Variants in LYRM4 observed in about 807,000 individuals in gnomAD.
LYRM4 encodes LYR motif containing 4, also known as LYR motif-containing protein 4.
In LYRM4, 9 loss-of-function variants were observed where a neutral mutation model predicts 11.7. That is an observed-to-expected ratio of 0.77 (90% CI 0.46 to 1.34). LYRM4 has a LOEUF of 1.34. LYRM4 is among the 40% of genes most tolerant of loss of function. The pLI is 0.00. For missense variants in LYRM4, 133 were observed against 112.5 expected (o/e 1.18, Z -0.82); for synonymous variants, 42 against 40.4 (o/e 1.04, Z -0.15).
downstream of LYRM4, among the ~76,000 whole-genome samples, chr6:5,101,737 C>T (rs1191712295): frequency 6.6e-6 from 1 of 152,118 alleles, no homozygotes; most frequent in African/African-American, 2.4e-5. Context: ...CATTCACCAG[C>T]TCAGACTGTC....
At chr6:5,093,743 G>C in the LYRM4 span, among the ~76,000 whole-genome samples, 1 of 152,202 alleles carries the variant, frequency 6.6e-6, no homozygotes, top group Non-Finnish European at 1.5e-5. Flanking sequence ...TAACCATTAC[G>C]TGCTGGCAGA....
intron 2 of LYRM4, among the ~76,000 whole-genome samples, chr6:5,170,604 G>C (rs890331414): frequency 3.3e-5 from 5 of 152,138 alleles, no homozygotes; most frequent in African/African-American, 7.2e-5. Flanking sequence ...GTGTTCAAGC[G>C]ATTCTTGTGC....
chr6:5,258,877 A>T (rs899880681), intron 1 of LYRM4, among the ~76,000 whole-genome samples: 22 of 152,178 alleles, frequency 1.4e-4, no homozygotes, highest in African/African-American at 5.3e-4. Context: ...TGATTTTCCT[A>T]AAGTTTGAAT....
intron 2 of LYRM4, chr6:5,187,104 A>G (rs1208516479): frequency 3.5e-6 from 3 of 849,470 alleles, no homozygotes; most frequent in Admixed American, 6.2e-5. Flanking sequence ...AATAATATAG[A>G]AAAGAAATGC....
chr6:5,251,177 TAC>T (rs149434064), intron 1 of LYRM4, among the ~76,000 whole-genome samples: 2 of 151,738 alleles, frequency 1.3e-5, no homozygotes, highest in Non-Finnish European at 2.9e-5. Context: ...AATATATACA[TAC>T]ACACACACAC....
intron 1 of LYRM4, among the ~76,000 whole-genome samples, chr6:5,229,207 TAAGAAAAAAAGTGAAGAG>T (rs2127740200): frequency 6.6e-6 from 1 of 152,120 alleles, no homozygotes; most frequent in South Asian, 2.1e-4. Flanking sequence ...AAAACAATTT[TAAGAAAAAAAGTGAAGAG>T]GTTTGGAAGT....
intron 2 of LYRM4, among the ~76,000 whole-genome samples, chr6:5,151,829 C>T (rs982879597): frequency 3.9e-5 from 6 of 152,190 alleles, no homozygotes; most frequent in Non-Finnish European, 7.3e-5. Context: ...CAAATAGAGT[C>T]TTTAGGGCAC....
chr6:5,048,736 GA>G, the LYRM4 span, among the ~76,000 whole-genome samples: 1 of 152,176 alleles, frequency 6.6e-6, no homozygotes, highest in African/African-American at 2.4e-5. Flanking sequence ...ATGATTCATG[GA>G]GGCATATAGC....
At chr6:5,147,385 T>A (rs1029327722) in intron 2 of LYRM4, among the ~76,000 whole-genome samples, 2 of 152,318 alleles carry the variant, frequency 1.3e-5, no homozygotes, top group Middle Eastern at 3.4e-3. Context: ...AAATAATGGA[T>A]AACGTACCTA....
chr6:5,177,087 T>TA (rs1487466766), intron 2 of LYRM4, among the ~76,000 whole-genome samples: 1 of 152,052 alleles, frequency 6.6e-6, no homozygotes, highest in Non-Finnish European at 1.5e-5. Context: ...GAAGGGAAAA[T>TA]ATGGAAAAGT....
intron 2 of LYRM4, among the ~76,000 whole-genome samples, chr6:5,165,274 G>T (rs7740952): frequency 0.37 from 56,183 of 151,944 alleles, 11,473 homozygotes; most frequent in East Asian, 0.6. Context: ...TTGCTCTAGC[G>T]TGGACACAAG....
At chr6:5,054,510 A>G in the LYRM4 span, 1 of 153,778 alleles carries the variant, frequency 6.5e-6, no homozygotes, top group African/African-American at 2.4e-5. Flanking sequence ...ATTCCTGGTA[A>G]CAGCATTATT....
At chr6:5,194,618 T>C (rs1760948069) in intron 2 of LYRM4, among the ~76,000 whole-genome samples, 1 of 152,260 alleles carries the variant, frequency 6.6e-6, no homozygotes, top group South Asian at 2.1e-4. Context: ...CATGATTCTT[T>C]TTTAAGCTCT....
the LYRM4 span, chr6:5,086,337 C>G: frequency 5.2e-6 from 8 of 1,535,686 alleles, no homozygotes; most frequent in Admixed American, 2.0e-5. Context: ...CTGGGGCCTC[C>G]GAGCCAGGGT....
At chr6:5,164,078 T>C (rs1758928595) in intron 2 of LYRM4, among the ~76,000 whole-genome samples, 1 of 152,190 alleles carries the variant, frequency 6.6e-6, no homozygotes, top group South Asian at 2.1e-4. Context: ...TTAAAAATAA[T>C]ACAGGAAATA....
Position 5,156,384 on chromosome 6 carries a change from T to C in LYRM4, c.208-46893A>G, listed in dbSNP as rs114054754. Among the ~76,000 whole-genome samples the C allele has an allele frequency of 8.9e-3, 1,358 of 152,286 alleles. 24 individuals are homozygous for C. The highest frequency in any genetic ancestry group is 0.031 in the African/African-American group (1,268 of 41,552). ...TTGGAGTGGCTGGGGCAGGAACCCATGGTATGTATGTGTGCAAGAGTGTGC... is the reference window on the plus strand; with the variant it reads ...TTGGAGTGGCTGGGGCAGGAACCCACGGTATGTATGTGTGCAAGAGTGTGC... On this transcript the variant is annotated intron_variant, in intron 2 of 2. Coordinates refer to ENST00000330636, the MANE Select transcript of LYRM4 (RefSeq NM_020408.6).
At chr6:5,041,474 C>T in the LYRM4 span, among the ~76,000 whole-genome samples, 1 of 152,198 alleles carries the variant, frequency 6.6e-6, no homozygotes, top group African/African-American at 2.4e-5. Context: ...GCTGTATTTG[C>T]TCCACCAGCT....
the LYRM4 span, among the ~76,000 whole-genome samples, chr6:5,081,893 C>T: frequency 6.6e-6 from 1 of 152,084 alleles, no homozygotes; most frequent in African/African-American, 2.4e-5. Context: ...CACCCACTGA[C>T]CTCCAGAAAG....
At chr6:5,186,354 T>A (rs1760391142) in intron 2 of LYRM4, among the ~76,000 whole-genome samples, 1 of 152,166 alleles carries the variant, frequency 6.6e-6, no homozygotes, top group Non-Finnish European at 1.5e-5. Context: ...GACCAGTCAC[T>A]TCAGCAAAAG....
Sources: gnomAD v4.1 joint callset for allele counts (sites outside exome capture counted in the v4.1 genomes callset) on GRCh38, gnomAD v4.1.1 for gene constraint, MANE v1.5 for transcripts, NCBI Gene and HGNC (gene_info 2026-07-23, HGNC 2026-07-21) for gene names.